The following TCF20 variants were observed in gnomAD, a reference collection of about 807,000 sequenced individuals.
TCF20 encodes the protein SPRE-binding protein.
Under a neutral mutation model 148.6 loss-of-function variants are expected in TCF20, and 3 were observed. The observed-to-expected ratio is 0.02, with a 90% confidence interval of 0.01 to 0.05. The LOEUF (loss-of-function observed/expected upper bound fraction) is 0.05, where lower values mean the gene tolerates loss of function less well. Among genes scored for constraint, TCF20 ranks in the 10% least tolerant of loss-of-function variants. The pLI, the probability that TCF20 is intolerant of heterozygous loss-of-function variation, is 1.00. For synonymous variants in TCF20, 1,049 were observed against 909.5 expected, an observed-to-expected ratio of 1.15 and a Z score of -2.76; for missense variants, 2,350 against 2,429.3, an observed-to-expected ratio of 0.97 and a Z score of 0.69.
chr22:42,208,597 C>T (rs1467415496), intron 2 of TCF20, among the ~76,000 whole-genome samples: 1 of 151,924 alleles, frequency 6.6e-6, no homozygotes, highest in Non-Finnish European at 1.5e-5. Flanking sequence ...CAAAACAAAA[C>T]AAAACAAAAC....
intron 1 of TCF20, among the ~76,000 whole-genome samples, chr22:42,252,711 CA>C (rs2147352593): frequency 6.6e-6 from 1 of 152,264 alleles, no homozygotes; most frequent in East Asian, 1.9e-4. Context: ...CTCGGCCTCC[CA>C]AAATGTTGGG....
At chr22:42,231,156 T>A (rs1923363043) in intron 1 of TCF20, among the ~76,000 whole-genome samples, 1 of 152,070 alleles carries the variant, frequency 6.6e-6, no homozygotes, top group Admixed American at 6.5e-5. Flanking sequence ...AGCAAGACTC[T>A]GTCTCAAATA....
chr22:42,324,515 TAAAATAATCTCCACCAACCGAG>T (rs1431996755), intron 1 of TCF20, among the ~76,000 whole-genome samples: 2 of 148,600 alleles, frequency 1.3e-5, no homozygotes, highest in African/African-American at 2.5e-5. Flanking sequence ...CACCATCCGA[TAAAATAATCTCCACCAACCGAG>T]AAAATAATCT....
upstream of TCF20, among the ~76,000 whole-genome samples, chr22:42,272,526 C>T (rs139556233): frequency 7.2e-4 from 110 of 152,294 alleles, no homozygotes; most frequent in African/African-American, 2.6e-3. Context: ...GTCGCAGAGC[C>T]TCATTCAAAA....
intron 1 of TCF20, among the ~76,000 whole-genome samples, chr22:42,264,581 A>T (rs918886047): frequency 6.6e-6 from 1 of 152,214 alleles, no homozygotes; most frequent in Non-Finnish European, 1.5e-5. Context: ...CAAATTATTT[A>T]CTTTGTTTAA....
At chr22:42,206,258 CA>C (rs571318787) in intron 2 of TCF20, among the ~76,000 whole-genome samples, 95 of 152,044 alleles carry the variant, frequency 6.2e-4, no homozygotes, top group Non-Finnish European at 1.1e-3. Flanking sequence ...ATATGCACAT[CA>C]AAAAGCAATA....
Position 42,210,849 on chromosome 22 carries a change from G to T in TCF20, c.4457C>A (p.Thr1486Lys). The T allele has an allele frequency of 2.5e-6, 4 of 1,614,210 alleles. No individual in the cohort carries two copies. The highest frequency in any genetic ancestry group is 3.4e-6 in the Non-Finnish European group (4 of 1,180,040). The change falls in exon 2 of 6, where the codon ACA becomes AAA. Residue 1486 changes from threonine to lysine, a missense_variant. By Grantham distance (78) the Thr-to-Lys change is moderately conservative (BLOSUM62 -1). Transcript: ENST00000677622. This position sits in a 1 kb window ranked among gnomAD's most constrained non-coding sequence, Gnocchi z 4.7. ...TGAGTCTGGAAAGATTAAAGGTGCT[G>T]TTCCACCCAGGGAACCATCTGGTCT... ...QGRPDGSLGG[T>K]APLIFPDSKN...
intron 1 of TCF20, among the ~76,000 whole-genome samples, chr22:42,339,476 A>G (rs2147063485): frequency 6.6e-6 from 1 of 152,340 alleles, no homozygotes; most frequent in South Asian, 2.1e-4. Context: ...ATAGCGACTA[A>G]ACCCAGCATT....
chr22:42,229,154 G>C (rs943855909), intron 1 of TCF20, among the ~76,000 whole-genome samples: 8 of 152,186 alleles, frequency 5.3e-5, no homozygotes, highest in Non-Finnish European at 2.9e-5. Context: ...AGGAAAGGCA[G>C]TGGGGGGGTC....
intron 2 of TCF20, among the ~76,000 whole-genome samples, chr22:42,181,449 C>T (rs1460956702): frequency 2.0e-5 from 3 of 152,190 alleles, no homozygotes; most frequent in African/African-American, 7.2e-5. Flanking sequence ...CACTTTCTTA[C>T]TCAAGAGGCC....
chr22:42,209,384 G>T (rs567439555), intron 2 of TCF20, among the ~76,000 whole-genome samples: 6 of 152,276 alleles, frequency 3.9e-5, no homozygotes, highest in African/African-American at 1.4e-4. Flanking sequence ...ATCCTAACTG[G>T]AAAGTGTGCG....
intron 1 of TCF20, among the ~76,000 whole-genome samples, chr22:42,255,303 G>A (rs1925670270): frequency 6.6e-6 from 1 of 151,866 alleles, no homozygotes; most frequent in Non-Finnish European, 1.5e-5. Flanking sequence ...TGACCAACAT[G>A]GTAAAACCCC....
At chr22:42,276,636 A>T (rs1057191929) in intron 1 of TCF20, 1 of 152,216 alleles carries the variant, frequency 6.6e-6, no homozygotes, top group Non-Finnish European at 1.5e-5. Context: ...CTGCCTTCTC[A>T]ATAGGAGAAG....
intron 1 of TCF20, among the ~76,000 whole-genome samples, chr22:42,312,580 C>T (rs1328091420): frequency 2.0e-5 from 3 of 152,146 alleles, no homozygotes; most frequent in African/African-American, 2.4e-5. Flanking sequence ...TGATGACCCA[C>T]GTTCAGAGCC....
At chr22:42,172,000 C>CT (rs1763901379) in intron 3 of TCF20, among the ~76,000 whole-genome samples, 1 of 152,228 alleles carries the variant, frequency 6.6e-6, no homozygotes, top group African/African-American at 2.4e-5. Flanking sequence ...TGCGTTCCCT[C>CT]TGAGTTAGAA....
chr22:42,166,476 T>C (rs1935794572), intron 5 of TCF20, among the ~76,000 whole-genome samples: 1 of 152,090 alleles, frequency 6.6e-6, no homozygotes, highest in Admixed American at 6.5e-5. Flanking sequence ...GGCGTGGTGG[T>C]GCACACCTGT....
chr22:42,175,316 C>T (rs1569105873), intron 3 of TCF20, among the ~76,000 whole-genome samples: 2 of 152,232 alleles, frequency 1.3e-5, no homozygotes, highest in South Asian at 4.2e-4. Flanking sequence ...CAGGTGTGAA[C>T]CACCATACCT....
chr22:42,257,879 A>G (rs1303845017), intron 1 of TCF20, among the ~76,000 whole-genome samples: 1 of 152,158 alleles, frequency 6.6e-6, no homozygotes, highest in Non-Finnish European at 1.5e-5. Context: ...CTTCCATCTT[A>G]TTCTGTTTTG....
rs190147948 is a variant in TCF20, at chr22:42,196,536, T to C, written c.5655+13115A>G. On this transcript the variant is annotated intron_variant, in intron 2 of 5. Coordinates refer to ENST00000677622, the MANE Select transcript of TCF20 (RefSeq NM_001378418.1). ...CACTTATCCTAATGAATTACACTATTATCCTAGCAACCAGCTTTGTATGAA... is the reference window on the plus strand; with the variant it reads ...CACTTATCCTAATGAATTACACTATCATCCTAGCAACCAGCTTTGTATGAA... 1.5e-3 allele frequency among the ~76,000 whole-genome samples: 227 copies of C among 152,342 alleles called. 1 individual carries two copies. Among genetic ancestry groups the C allele is most frequent in the Middle Eastern group, 0.014 (4 of 294 alleles).
Sources: gnomAD v4.1 joint callset for allele counts (sites outside exome capture counted in the v4.1 genomes callset) on GRCh38, gnomAD v4.1.1 for gene constraint, Gnocchi (gnomAD v3.1) non-coding constraint, MANE v1.5 for transcripts, NCBI Gene and HGNC (gene_info 2026-07-23, HGNC 2026-07-21) for gene names.